Variants in GRIK2 observed in about 807,000 individuals in gnomAD.
The protein encoded by GRIK2 is glutamate receptor ionotropic, kainate 2.
A neutral mutation model predicts 100.3 loss-of-function variants in GRIK2; 32 were observed. That is an observed-to-expected ratio of 0.32 (90% CI 0.24 to 0.43). The LOEUF (loss-of-function observed/expected upper bound fraction) is 0.43. Ranked by LOEUF, GRIK2 falls within the 20% of genes least tolerant of loss-of-function variation. The pLI, the probability that GRIK2 is intolerant of heterozygous loss-of-function variation, is 1.00. For synonymous variants in GRIK2, 417 were observed against 389.4 expected (o/e 1.07, Z -0.83); for missense variants, 843 against 1,114.9 (o/e 0.76, Z 3.47).
chr6:101,690,734 C>T (rs1191387813), intron 7 of GRIK2, among the ~76,000 whole-genome samples: 1 of 152,144 alleles, frequency 6.6e-6, no homozygotes, highest in African/African-American at 2.4e-5. Context: ...CTCATCTCAC[C>T]TTTGATGTGT....
chr6:102,063,564 C>G (rs766112878), intron 16 of GRIK2, among the ~76,000 whole-genome samples: 14 of 150,678 alleles, frequency 9.3e-5, no homozygotes, highest in African/African-American at 2.9e-4. Context: ...AACTACACTT[C>G]TAATATAAAA....
At chr6:101,399,921 T>G (rs572842170) in intron 2 of GRIK2, among the ~76,000 whole-genome samples, 2 of 152,248 alleles carry the variant, frequency 1.3e-5, no homozygotes, top group Non-Finnish European at 2.9e-5. Context: ...TTCGATTGTT[T>G]TCACCGCTTT....
At position 101,703,472 on chromosome 6, in the gene GRIK2, C is replaced by T. The variant is rs188161297; in HGVS notation, c.951+17119C>T. Among the ~76,000 whole-genome samples, 11 of 151,866 alleles carry T rather than the reference C, an allele frequency of 7.2e-5. No individual in the cohort carries two copies. In the East Asian group the frequency reaches 1.7e-3, roughly 24 times the overall value. ...AAGAACTAATCATTTTGATTTGACA[C>T]GAAAGCATTGTTAGCGACCTCAATA... On this transcript the variant is annotated intron_variant, in intron 7 of 16. Coordinates refer to ENST00000369134, the MANE Select transcript of GRIK2 (RefSeq NM_021956.5).
intron 7 of GRIK2, among the ~76,000 whole-genome samples, chr6:101,719,745 A>T (rs1486995262): frequency 6.6e-6 from 1 of 152,000 alleles, no homozygotes; most frequent in African/African-American, 2.4e-5. Flanking sequence ...CCTCTGCCAG[A>T]TAACAGCTCA....
At chr6:101,522,931 TTAATC>T (rs1774951128) in intron 2 of GRIK2, among the ~76,000 whole-genome samples, 1 of 150,528 alleles carries the variant, frequency 6.6e-6, no homozygotes, top group Non-Finnish European at 1.5e-5. Flanking sequence ...TGTTATATAT[TTAATC>T]TATTTATTAA....
At chr6:101,978,658 A>G (rs1793541990) in intron 14 of GRIK2, among the ~76,000 whole-genome samples, 3 of 151,974 alleles carry the variant, frequency 2.0e-5, no homozygotes, top group African/African-American at 7.2e-5. Flanking sequence ...TTGCTGATAT[A>G]CCTACAACCA....
chr6:101,489,008 A>G (rs970634877), intron 2 of GRIK2, among the ~76,000 whole-genome samples: 2 of 146,782 alleles, frequency 1.4e-5, no homozygotes, highest in Non-Finnish European at 1.5e-5. Flanking sequence ...AGATTTAGCT[A>G]AAGTAATGAT....
At position 101,602,318 on chromosome 6, in the gene GRIK2, G is replaced by A. The variant is rs577066036; in HGVS notation, c.116-19631G>A. Among the ~76,000 whole-genome samples, 83 of 150,726 alleles carry A rather than the reference G, an allele frequency of 5.5e-4. No homozygotes were observed. In the South Asian group the frequency reaches 9.7e-3, roughly 18 times the overall value. ...GGTTGGCATAATTCCAATTTTTTTC[G>A]AATTTATTGAGACTTGCTTTGTGAC... On this transcript the variant is annotated intron_variant, in intron 2 of 16. Coordinates refer to ENST00000369134, the MANE Select transcript of GRIK2 (RefSeq NM_021956.5).
At chr6:101,504,040 CATTT>C (rs982027041) in intron 2 of GRIK2, among the ~76,000 whole-genome samples, 3 of 152,054 alleles carry the variant, frequency 2.0e-5, no homozygotes, top group Non-Finnish European at 2.9e-5. Context: ...CTAAATACTA[CATTT>C]ATTTTATAGA....
intron 7 of GRIK2, among the ~76,000 whole-genome samples, chr6:101,718,941 AG>A (rs1774257158): frequency 6.6e-6 from 1 of 151,958 alleles, no homozygotes; most frequent in African/African-American, 2.4e-5. Context: ...AATGGAGAAA[AG>A]TTTCTGCAAT....
intron 9 of GRIK2, among the ~76,000 whole-genome samples, chr6:101,814,703 T>C (rs1006120190): frequency 5.3e-5 from 8 of 152,122 alleles, no homozygotes; most frequent in Non-Finnish European, 7.4e-5. Flanking sequence ...GAAATCTGTT[T>C]TTAAAATGAT....
chr6:101,435,308 C>G (rs967985200), intron 2 of GRIK2, among the ~76,000 whole-genome samples: 1 of 152,016 alleles, frequency 6.6e-6, no homozygotes, highest in Non-Finnish European at 1.5e-5. Flanking sequence ...CCCTTCAGGA[C>G]TCAATCTCTG....
chr6:101,658,850 T>G (rs146217507), intron 4 of GRIK2, among the ~76,000 whole-genome samples: 471 of 152,330 alleles, frequency 3.1e-3, no homozygotes, highest in African/African-American at 0.011. Flanking sequence ...GTTCATATCC[T>G]TTGCCCATTT....
intron 14 of GRIK2, among the ~76,000 whole-genome samples, chr6:101,938,116 T>C (rs1790723842): frequency 6.6e-6 from 1 of 151,350 alleles, no homozygotes; most frequent in South Asian, 2.1e-4. Context: ...AGATACCACA[T>C]ACTAGTTAAG....
At chr6:101,571,794 G>A (rs1777546176) in intron 2 of GRIK2, among the ~76,000 whole-genome samples, 1 of 151,946 alleles carries the variant, frequency 6.6e-6, no homozygotes, top group Non-Finnish European at 1.5e-5. Flanking sequence ...TATTAAAAGG[G>A]AATAATTAAT....
chr6:102,064,023 C>A, intron 16 of GRIK2: 2 of 1,520,534 alleles, frequency 1.3e-6, no homozygotes, highest in Non-Finnish European at 1.8e-6. Flanking sequence ...TCTTTTGAAA[C>A]TTACTAAAAG....
chr6:101,674,248 TGGGAAGA>T (rs1770660122), intron 4 of GRIK2, among the ~76,000 whole-genome samples: 1 of 152,198 alleles, frequency 6.6e-6, no homozygotes, highest in Admixed American at 6.5e-5. Flanking sequence ...GAAGGTCATC[TGGGAAGA>T]TTGGTTAAAA....
At chr6:101,963,744 A>C (rs1392863624) in intron 14 of GRIK2, among the ~76,000 whole-genome samples, 1 of 152,010 alleles carries the variant, frequency 6.6e-6, no homozygotes, top group Admixed American at 6.6e-5. Context: ...ATATGTATAT[A>C]TGCTCCAAAC....
chr6:101,589,266 C>T (rs901665726), intron 2 of GRIK2, among the ~76,000 whole-genome samples: 1 of 152,094 alleles, frequency 6.6e-6, no homozygotes, highest in African/African-American at 2.4e-5. Flanking sequence ...CTAAATCTAG[C>T]TAATTATGCA....
Sources: gnomAD v4.1 joint callset for allele counts (sites outside exome capture counted in the v4.1 genomes callset) on GRCh38, gnomAD v4.1.1 for gene constraint, MANE v1.5 for transcripts, NCBI Gene and HGNC (gene_info 2026-07-23, HGNC 2026-07-21) for gene names.